Variants in ROBO2 observed in about 807,000 individuals in gnomAD.
The protein encoded by ROBO2 is roundabout homolog 2.
Under a neutral mutation model 160.8 loss-of-function variants are expected in ROBO2, and 53 were observed. The observed-to-expected ratio is 0.33, with a 90% CI of 0.26 to 0.41. The LOEUF (loss-of-function observed/expected upper bound fraction) is 0.41, where lower values mean the gene tolerates loss of function less well. Ranked by LOEUF, ROBO2 falls within the 10% of genes least tolerant of loss-of-function variation. The pLI, the probability that ROBO2 is intolerant of heterozygous loss-of-function variation, is 1.00. For synonymous variants in ROBO2, 664 were observed against 611.7 expected (o/e 1.09, Z -1.26); for missense variants, 1,577 against 1,722.4 (o/e 0.92, Z 1.49).
chr3:77,367,440 G>A (rs2071067756), intron 2 of ROBO2, among the ~76,000 whole-genome samples: 1 of 151,866 alleles, frequency 6.6e-6, no homozygotes, highest in Non-Finnish European at 1.5e-5. Context: ...TACACACGCT[G>A]AGAATCATCT....
intron 2 of ROBO2, among the ~76,000 whole-genome samples, chr3:76,276,704 G>A (rs757198005): frequency 6.6e-6 from 1 of 151,918 alleles, no homozygotes; most frequent in South Asian, 2.1e-4. Flanking sequence ...AAATGTGATT[G>A]GTTTTTAATT....
chr3:75,912,855 T>C (rs1946658444), intron 1 of ROBO2, among the ~76,000 whole-genome samples: 1 of 152,224 alleles, frequency 6.6e-6, no homozygotes, highest in African/African-American at 2.4e-5. Flanking sequence ...CATTTCTCTT[T>C]TCTGGAATCC....
chr3:77,478,674 T>C (rs1484095671), intron 3 of ROBO2, among the ~76,000 whole-genome samples: 1 of 152,200 alleles, frequency 6.6e-6, no homozygotes, highest in Non-Finnish European at 1.5e-5. Flanking sequence ...TTTAAGATAA[T>C]TTCTCATTTG....
intron 2 of ROBO2, among the ~76,000 whole-genome samples, chr3:77,384,665 T>C (rs2073912732): frequency 6.6e-6 from 1 of 152,210 alleles, no homozygotes; most frequent in Non-Finnish European, 1.5e-5. Context: ...AACGTCATTT[T>C]AACAAATAAG....
intron 2 of ROBO2, among the ~76,000 whole-genome samples, chr3:77,298,069 A>G (rs946638672): frequency 1.3e-5 from 2 of 152,130 alleles, no homozygotes. Flanking sequence ...GCCAACAATG[A>G]GTGTCATTGG....
At chr3:76,503,395 A>G (rs1272876881) in intron 2 of ROBO2, among the ~76,000 whole-genome samples, 2 of 152,172 alleles carry the variant, frequency 1.3e-5, no homozygotes, top group African/African-American at 4.8e-5. Flanking sequence ...CCCTCAATAC[A>G]ATCAAGTTGA....
chr3:77,324,122 T>G (rs1206588988), intron 2 of ROBO2, among the ~76,000 whole-genome samples: 1 of 152,192 alleles, frequency 6.6e-6, no homozygotes, highest in Non-Finnish European at 1.5e-5. Context: ...GGTCACAGAC[T>G]ATAACCCAGT....
At chr3:76,611,989 A>G (rs2094471800) in intron 2 of ROBO2, among the ~76,000 whole-genome samples, 1 of 152,104 alleles carries the variant, frequency 6.6e-6, no homozygotes. Flanking sequence ...AAAATTTCCT[A>G]ATTTCCTTCT....
intron 2 of ROBO2, among the ~76,000 whole-genome samples, chr3:76,580,690 T>A (rs1320798006): frequency 6.6e-6 from 1 of 152,108 alleles, no homozygotes; most frequent in African/African-American, 2.4e-5. Context: ...AAATACCAAG[T>A]GTTGTTCAAC....
chr3:76,969,204 A>G (rs998434918), intron 2 of ROBO2, among the ~76,000 whole-genome samples: 1 of 152,216 alleles, frequency 6.6e-6, no homozygotes, highest in African/African-American at 2.4e-5. Context: ...TGCAGATTTT[A>G]GAATCAATAC....
intron 2 of ROBO2, among the ~76,000 whole-genome samples, chr3:76,735,782 A>T: frequency 1.9e-5 from 1 of 51,880 alleles, no homozygotes; most frequent in Non-Finnish European, 3.7e-5. Context: ...AAAAGAAAAA[A>T]AAAAGGGGAA....
chr3:77,299,868 A>G (rs905213670), intron 2 of ROBO2, among the ~76,000 whole-genome samples: 3 of 152,120 alleles, frequency 2.0e-5, no homozygotes, highest in African/African-American at 4.8e-5. Flanking sequence ...TAAAAGTAAG[A>G]GAATGGAAAT....
chr3:76,336,962 A>G (rs527443110), intron 2 of ROBO2, among the ~76,000 whole-genome samples: 1 of 152,114 alleles, frequency 6.6e-6, no homozygotes, highest in African/African-American at 2.4e-5. Flanking sequence ...ATAGATTCTG[A>G]AAAATGTTAT....
intron 2 of ROBO2, among the ~76,000 whole-genome samples, chr3:76,785,291 A>C (rs2062900665): frequency 6.6e-6 from 1 of 151,160 alleles, no homozygotes. Flanking sequence ...AGTGTACTGT[A>C]TTTTAATTGT....
At chr3:76,760,235 T>C (rs763373648) in intron 2 of ROBO2, among the ~76,000 whole-genome samples, 1 of 151,772 alleles carries the variant, frequency 6.6e-6, no homozygotes, top group Non-Finnish European at 1.5e-5. Context: ...CTTTTTAAAA[T>C]GTTTTAAACA....
At chr3:77,607,568 GT>G (rs1157561231) in intron 20 of ROBO2, among the ~76,000 whole-genome samples, 1 of 152,028 alleles carries the variant, frequency 6.6e-6, no homozygotes, top group Non-Finnish European at 1.5e-5. Flanking sequence ...CAGCAGCCAT[GT>G]TTTTGGTTCA....
intron 2 of ROBO2, among the ~76,000 whole-genome samples, chr3:76,949,475 C>A (rs1011254953): frequency 1.2e-4 from 19 of 152,264 alleles, no homozygotes; most frequent in Non-Finnish European, 2.6e-4. Flanking sequence ...TCTCAAATAG[C>A]CTTTTTTAAA....
chr3:76,554,032 G>T (rs1252176954), intron 2 of ROBO2, among the ~76,000 whole-genome samples: 1 of 152,064 alleles, frequency 6.6e-6, no homozygotes, highest in African/African-American at 2.4e-5. Flanking sequence ...AGAAAAACGT[G>T]AACACTCGCA....
In ROBO2 at chr3:76,947,555, GT is replaced by G. The variant is rs370238067; in HGVS notation, c.110-150452del. 1.6e-3 allele frequency among the ~76,000 whole-genome samples: 238 copies of G among 152,020 alleles called. 1 individual carries two copies. The highest frequency in any genetic ancestry group is 4.9e-3 in the African/African-American group (202 of 41,474). The stretch of plus-strand genomic sequence containing the variant: ...TGCCTGCAATCGATGACATATGACT[GT>G]TTTTTTCTTAGTTAACAATTTCAAA... On this transcript the variant is annotated intron_variant, in intron 2 of 26. Coordinates refer to the ROBO2 transcript ENST00000487694.
Sources: gnomAD v4.1 joint callset for allele counts (sites outside exome capture counted in the v4.1 genomes callset) on GRCh38, gnomAD v4.1.1 for gene constraint, MANE v1.5 for transcripts, NCBI Gene and HGNC (gene_info 2026-07-23, HGNC 2026-07-21) for gene names.